The following ZNF385D variants were observed in gnomAD, a reference collection of about 807,000 sequenced individuals.
The protein encoded by ZNF385D is zinc finger protein 659.
Under a neutral mutation model 35.8 loss-of-function variants are expected in ZNF385D, and 15 were observed. The observed-to-expected ratio is 0.42, with a 90% CI of 0.28 to 0.64. ZNF385D has a LOEUF of 0.64. ZNF385D is among the 30% of genes least tolerant of loss of function. The pLI, the probability that ZNF385D is intolerant of heterozygous loss-of-function variation, is 0.23. For synonymous variants in ZNF385D, 212 were observed against 186.8 expected, an observed-to-expected ratio of 1.13 and a Z score of -1.10; for missense variants, 474 against 494.6, an observed-to-expected ratio of 0.96 and a Z score of 0.39.
chr3:21,900,464 A>G (rs889714379), intron 3 of ZNF385D, among the ~76,000 whole-genome samples: 5 of 152,204 alleles, frequency 3.3e-5, no homozygotes, highest in African/African-American at 4.8e-5. Context: ...GCTGATTACT[A>G]TAACAAAAAG....
intron 2 of ZNF385D, among the ~76,000 whole-genome samples, chr3:21,584,015 C>T (rs1435799965): frequency 1.4e-5 from 2 of 146,832 alleles, no homozygotes; most frequent in Non-Finnish European, 3.0e-5. Flanking sequence ...TGCCTGTCGC[C>T]CAGGCTGGAG....
At chr3:22,202,936 CTAAA>C (rs1475458914) in intron 2 of ZNF385D, among the ~76,000 whole-genome samples, 1 of 152,030 alleles carries the variant, frequency 6.6e-6, no homozygotes, top group Non-Finnish European at 1.5e-5. Flanking sequence ...TTTTGGGGTT[CTAAA>C]TAATCTTGAA....
At chr3:21,515,861 T>A (rs1464066554) in intron 3 of ZNF385D, among the ~76,000 whole-genome samples, 1 of 151,882 alleles carries the variant, frequency 6.6e-6, no homozygotes, top group Non-Finnish European at 1.5e-5. Context: ...ACTGTAATCC[T>A]TTACTGCACA....
intron 3 of ZNF385D, among the ~76,000 whole-genome samples, chr3:21,853,211 T>G (rs1696496050): frequency 6.6e-6 from 1 of 151,866 alleles, no homozygotes; most frequent in South Asian, 2.1e-4. Context: ...CTTACCTACT[T>G]AAGAGAATAA....
Position 21,578,112 on chromosome 3 carries a change from C to T in ZNF385D, c.166-13428G>A, listed in dbSNP as rs572515823. On this transcript the variant is annotated intron_variant, in intron 2 of 7. Coordinates refer to ENST00000281523, the MANE Select transcript of ZNF385D (RefSeq NM_024697.3). Reference sequence around the variant, plus strand: ...ACTACAGGTGCAAGCCACTGCACCCCACATTTATATGTTTTCTTTAGAGAA... The same window carrying T: ...ACTACAGGTGCAAGCCACTGCACCCTACATTTATATGTTTTCTTTAGAGAA... Among the ~76,000 whole-genome samples, 4 of 152,194 alleles carry T rather than the reference C, an allele frequency of 2.6e-5. No homozygotes were observed. The South Asian group carries it at 8.3e-4, about 32-fold the overall frequency.
chr3:21,471,802 A>G (rs78030863), intron 4 of ZNF385D, among the ~76,000 whole-genome samples: 2,185 of 152,276 alleles, frequency 0.014, 25 homozygotes, highest in Middle Eastern at 0.044. Context: ...CTTTCTGAAT[A>G]TCTTTGAGCA....
chr3:22,096,373 T>A (rs925061403), intron 3 of ZNF385D, among the ~76,000 whole-genome samples: 4 of 151,236 alleles, frequency 2.6e-5, no homozygotes, highest in Non-Finnish European at 5.9e-5. Context: ...AGAAAAAAAC[T>A]GTTTATGGCT....
In ZNF385D at chr3:22,208,085, C is replaced by T. The variant is rs1006011801; in HGVS notation, c.107-39050G>A. On this transcript the variant is annotated intron_variant, in intron 2 of 5. Transcript: ENST00000494108. ...CAGCAATTCCACTGCTGGGCATGTA[C>T]ACAAAAGAAAAGAAATCAGTATAGC... Among the ~76,000 whole-genome samples the T allele has an allele frequency of 1.3e-4, 19 of 151,862 alleles. No homozygotes were observed. In the Admixed American group the frequency reaches 1.3e-3, roughly 10 times the overall value.
intron 2 of ZNF385D, among the ~76,000 whole-genome samples, chr3:22,191,974 G>A (rs1696069314): frequency 6.6e-6 from 1 of 152,088 alleles, no homozygotes; most frequent in African/African-American, 2.4e-5. Context: ...ACTCTGTCTT[G>A]TTTAGGAATT....
At chr3:21,778,967 G>A (rs1267005616) in intron 3 of ZNF385D, among the ~76,000 whole-genome samples, 1 of 151,912 alleles carries the variant, frequency 6.6e-6, no homozygotes, top group Non-Finnish European at 1.5e-5. Context: ...ACAGCAGTGA[G>A]AACTAAATTT....
At chr3:22,234,625 T>C (rs2125303392) in intron 2 of ZNF385D, among the ~76,000 whole-genome samples, 1 of 152,186 alleles carries the variant, frequency 6.6e-6, no homozygotes, top group Non-Finnish European at 1.5e-5. Context: ...CTGAATTACA[T>C]TATTTATGTT....
At position 21,881,257 on chromosome 3, in the gene ZNF385D, T is replaced by C. The variant is rs117770759; in HGVS notation, c.326-216229A>G. On this transcript the variant is annotated intron_variant, in intron 3 of 5. Coordinates refer to the ZNF385D transcript ENST00000494108. ...GCTCTAAGGAAGTTAGTGCCTGGCA[T>C]CAAATTTTCAAAGGACAGGCTGACT... Among the ~76,000 whole-genome samples the C allele has an allele frequency of 1.3e-3, 201 of 152,074 alleles. 3 individuals carry two copies. In the East Asian group the frequency reaches 0.036, roughly 27 times the overall value.
Position 21,847,031 on chromosome 3 carries a change from T to C in ZNF385D, c.326-182003A>G, listed in dbSNP as rs550775948. On this transcript the variant is annotated intron_variant, in intron 3 of 5. Coordinates refer to the ZNF385D transcript ENST00000494108. Reference sequence around the variant, plus strand: ...CTTCTCAAGCCCCAACCAGGTACTTTTGTGTTACAGGGCTTCAACCTGAAC... The same window carrying C: ...CTTCTCAAGCCCCAACCAGGTACTTCTGTGTTACAGGGCTTCAACCTGAAC... Among the ~76,000 whole-genome samples, 17 of 152,160 alleles carry C rather than the reference T, an allele frequency of 1.1e-4. No homozygotes were observed. In the South Asian group the frequency reaches 2.9e-3, roughly 26 times the overall value.
intron 2 of ZNF385D, among the ~76,000 whole-genome samples, chr3:21,584,787 C>T (rs2125714176): frequency 6.6e-6 from 1 of 152,274 alleles, no homozygotes; most frequent in Non-Finnish European, 1.5e-5. Context: ...CTGCCTTATT[C>T]ATCCATCATT....
At chr3:21,976,527 A>G (rs1341695288) in intron 3 of ZNF385D, among the ~76,000 whole-genome samples, 1 of 152,174 alleles carries the variant, frequency 6.6e-6, no homozygotes, top group Non-Finnish European at 1.5e-5. Context: ...CTAGACTATA[A>G]CAGGAAATAC....
intron 2 of ZNF385D, among the ~76,000 whole-genome samples, chr3:22,261,141 C>G (rs184817796): frequency 7.8e-4 from 118 of 151,926 alleles, no homozygotes; most frequent in African/African-American, 2.5e-3. Context: ...ACCGACCTAC[C>G]TTTCTACTCA....
intron 3 of ZNF385D, among the ~76,000 whole-genome samples, chr3:22,142,955 T>C (rs1156903385): frequency 6.6e-6 from 1 of 152,124 alleles, no homozygotes; most frequent in African/African-American, 2.4e-5. Flanking sequence ...GTTTCCTTTT[T>C]CACTGCCCGT....
chr3:21,942,380 C>T (rs959000216), intron 3 of ZNF385D, among the ~76,000 whole-genome samples: 4 of 152,170 alleles, frequency 2.6e-5, no homozygotes, highest in African/African-American at 9.7e-5. Flanking sequence ...GTGAGTCATC[C>T]TTCCTTACTA....
intron 3 of ZNF385D, among the ~76,000 whole-genome samples, chr3:22,122,036 C>A (rs1296546395): frequency 1.8e-4 from 27 of 152,244 alleles, no homozygotes; most frequent in Non-Finnish European, 7.4e-5. Flanking sequence ...AGCCCAAGGT[C>A]AGGTGGACTG....
Sources: gnomAD v4.1 joint callset for allele counts (sites outside exome capture counted in the v4.1 genomes callset) on GRCh38, gnomAD v4.1.1 for gene constraint, MANE v1.5 for transcripts, NCBI Gene and HGNC (gene_info 2026-07-23, HGNC 2026-07-21) for gene names.